The following LYST variants were observed in gnomAD, a reference collection of about 807,000 sequenced individuals.
The protein encoded by LYST is lysosomal-trafficking regulator.
LYST carries 192 observed loss-of-function variants against 413.6 expected under a neutral mutation model. That is an observed-to-expected ratio of 0.46 (90% CI 0.41 to 0.52). The LOEUF (loss-of-function observed/expected upper bound fraction) is 0.52, where lower values mean the gene tolerates loss of function less well. Ranked by LOEUF, LYST falls within the 20% of genes least tolerant of loss-of-function variation. The pLI is 0.00. For synonymous variants in LYST, 1,525 were observed against 1,567.3 expected (o/e 0.97, Z 0.64); for missense variants, 3,815 against 4,499.9 (o/e 0.85, Z 4.35).
chr1:235,687,467 C>T (rs1384231035), intron 47 of LYST, among the ~76,000 whole-genome samples: 1 of 152,084 alleles, frequency 6.6e-6, no homozygotes. Flanking sequence ...GAAACAGGTA[C>T]ATGTAAACAG....
chr1:235,787,251 T>G lies in LYST; in HGVS notation c.4811A>C (p.Gln1604Pro). Residue 1604 changes from glutamine (Q) to proline (P), a missense_variant, in exon 14 of 53, where the codon CAA becomes CCA. By Grantham distance (76) the Gln-to-Pro change is moderately conservative. Around this residue, in one of 4 missense-constraint regions of LYST, gnomAD observed 530 missense variants for 696.5 expected, o/e 0.76. Transcript: ENST00000389793. Reference protein sequence around the residue: ...HLVLTYLQQPQGKRRIHGKIS... With the variant: ...HLVLTYLQQPPGKRRIHGKIS... ...TTTCCCATGAATCCTCCTTTTCCCT[T>G]GGGGCTGCTGTAAGTAGGTGAGTAC... 1.2e-6 allele frequency: 2 copies of G among 1,613,744 alleles called. No individual in the cohort carries two copies. Among genetic ancestry groups the G allele is most frequent in the Non-Finnish European group, 1.7e-6 (2 of 1,179,768 alleles).
intron 26 of LYST, among the ~76,000 whole-genome samples, chr1:235,752,718 A>G (rs932305614): frequency 6.6e-6 from 1 of 152,072 alleles, no homozygotes; most frequent in Non-Finnish European, 1.5e-5. Context: ...CTGGTCTTCA[A>G]TCTTAATCTT....
intron 37 of LYST, 100 bp downstream of exon 37, chr1:235,729,496 T>C: frequency 1.2e-6 from 1 of 802,024 alleles, no homozygotes; most frequent in Non-Finnish European, 2.2e-6. Flanking sequence ...ACAGAAAGTT[T>C]ATCCAATTTA....
At chr1:235,813,365 C>T (rs1373872927) in intron 3 of LYST, among the ~76,000 whole-genome samples, 1 of 152,124 alleles carries the variant, frequency 6.6e-6, no homozygotes, top group Non-Finnish European at 1.5e-5. Context: ...TATGAAGAAA[C>T]AGATTTGCTA....
chr1:235,705,187 G>A (rs1304460041), intron 44 of LYST, among the ~76,000 whole-genome samples: 1 of 152,122 alleles, frequency 6.6e-6, no homozygotes, highest in African/African-American at 2.4e-5. Context: ...ACAGAGTGAG[G>A]ATCTGAACTC....
At position 235,806,781 on chromosome 1, in the gene LYST, G is replaced by C. The variant is rs1448190215; in HGVS notation, c.2364-9C>G. ...ACAAATCTCTTATTACCCTGTGAAA[G>C]AAAAAAAGCATGTAAAAAGGTTTAA... is the stretch of plus-strand genomic sequence containing the variant. On this transcript the variant is annotated splice_polypyrimidine_tract_variant and intron_variant, in intron 5 of 52. Transcript: ENST00000389793. 6.3e-7 allele frequency: 1 copy of C among 1,582,908 alleles called. No individual in the cohort carries two copies. Among genetic ancestry groups the C allele is most frequent in the African/African-American group, 1.4e-5 (1 of 73,820 alleles).
rs1243959290 is a variant in LYST at position 235,809,670 on chromosome 1, T to C, written c.1148A>G (p.Gln383Arg). The C allele has an allele frequency of 1.2e-6, 2 of 1,613,774 alleles. No individual in the cohort carries two copies. The highest frequency in any genetic ancestry group is 2.2e-5 in the East Asian group (1 of 44,896). ...PFAPRQKKTL[Q>R]EVQEDFVFSK... ...AAACACAAAATCTTCCTGAACCTCC[T>C]GCAGTGTTTTCTTTTGTCTTGGTGC... Residue 383 changes from glutamine to arginine, a missense_variant, in exon 5 of 53, where the codon CAG becomes CGG. Around this residue, in one of 4 missense-constraint regions of LYST, gnomAD observed 1,648 missense variants for 1,810.3 expected, o/e 0.91. Transcript: ENST00000389793. The surrounding 1 kb of genome is among the most constrained non-coding windows in gnomAD (Gnocchi z 4.0).
In LYST at chr1:235,733,878, C is replaced by G; in HGVS notation, c.8564G>C (p.Gly2855Ala). 1 of 1,594,914 alleles carries G rather than the reference C, an allele frequency of 6.3e-7. No individual in the cohort carries two copies. The highest frequency in any genetic ancestry group is 1.1e-5 in the South Asian group (1 of 90,622). ...TTTCTGCCAAGCAGCTTTATTCACT[C>G]CTTCTTCAGTTTCATATTTCTTTTG... Reference protein sequence around the residue: ...EEQKKYETEEGVNKAAWQKTV... With the variant: ...EEQKKYETEEAVNKAAWQKTV... Residue 2855 changes from glycine to alanine, a missense_variant, in exon 33 of 53, where the codon GGA becomes GCA. Physicochemically the swap from Gly to Ala is moderately conservative, Grantham distance 60 (BLOSUM62 0). Around this residue, in one of 4 missense-constraint regions of LYST, gnomAD observed 771 missense variants for 837.1 expected, o/e 0.92. Transcript: ENST00000389793.
At chr1:235,826,329 T>C (rs374258280) in intron 3 of LYST, among the ~76,000 whole-genome samples, 2 of 152,256 alleles carry the variant, frequency 1.3e-5, no homozygotes, top group African/African-American at 4.8e-5. Flanking sequence ...TTTATAGGAA[T>C]GTTCAAAGCA....
At chr1:235,882,551 T>G (rs78106418) in intron 1 of LYST, among the ~76,000 whole-genome samples, 2 of 152,174 alleles carry the variant, frequency 1.3e-5, no homozygotes, top group African/African-American at 4.8e-5. Context: ...AGGAGACTCT[T>G]GCAGTAGCCC....
chr1:235,833,383 C>T (rs1303136921), intron 2 of LYST, among the ~76,000 whole-genome samples, 195 bp downstream of exon 2: 1 of 152,108 alleles, frequency 6.6e-6, no homozygotes, highest in African/African-American at 2.4e-5. Context: ...GCTTTTTCCT[C>T]TTAATGTTAT....
In LYST at chr1:235,806,356, G is replaced by C; in HGVS notation, c.2780C>G (p.Ser927Cys). 1 of 1,614,056 alleles carries C rather than the reference G, an allele frequency of 6.2e-7. No individual in the cohort carries two copies. The highest frequency in any genetic ancestry group is 8.5e-7 in the Non-Finnish European group (1 of 1,180,006). Residue 927 changes from serine to cysteine, a missense_variant, in exon 6 of 53, where the codon TCT (serine) becomes TGT (cysteine). By Grantham distance (112) the Ser-to-Cys change is moderately radical. Around this residue, in one of 4 missense-constraint regions of LYST, gnomAD observed 1,648 missense variants for 1,810.3 expected, o/e 0.91. Transcript: ENST00000389793. ...RESANDSEDT[S>C]GYDSTASEPL... ...CTCGCTGGCTGTGCTGTCATAGCCA[G>C]AAGTATCTTCTGAGTCATTGGCCGA...
intron 39 of LYST, among the ~76,000 whole-genome samples, chr1:235,723,023 GCAGT>G (rs538229370): frequency 7.7e-4 from 117 of 152,334 alleles, no homozygotes; most frequent in African/African-American, 2.8e-3. Flanking sequence ...AGCAGTGGAA[GCAGT>G]CAGACTCTCG....
rs77322448 is a variant in LYST at position 235,745,624 on chromosome 1, C to T, written c.7972+712G>A. 2.2e-3 allele frequency among the ~76,000 whole-genome samples: 342 copies of T among 152,268 alleles called. 1 individual carries two copies. Among genetic ancestry groups the T allele is most frequent in the African/African-American group, 7.7e-3 (320 of 41,550 alleles). On this transcript the variant is annotated intron_variant, in intron 29 of 52. Coordinates refer to ENST00000389793, the MANE Select transcript of LYST (RefSeq NM_000081.4). ...TTCTTACAAAACCTGCACATAAATG[C>T]TTACAGAAGCTTTATTTGTAATAGC... is the stretch of plus-strand genomic sequence containing the variant.
chr1:235,729,660 G>A lies in LYST; in HGVS notation c.9045-3C>T. On this transcript the variant is annotated splice_polypyrimidine_tract_variant and splice_region_variant and intron_variant, in intron 36 of 52. Coordinates refer to ENST00000389793, the MANE Select transcript of LYST (RefSeq NM_000081.4). ...CACTGATGCATCTTCGATTCACTCT[G>A]TCAAAACATATTTAAAATTACTATG... The A allele has an allele frequency of 1.3e-6, 2 of 1,596,900 alleles. No homozygotes were observed. The highest frequency in any genetic ancestry group is 1.7e-5 in the Admixed American group (1 of 59,962).
At position 235,677,527 on chromosome 1, in the gene LYST, C is replaced by G. The variant is rs774779449; in HGVS notation, c.10893G>C (p.Leu3631=). Residue 3631 remains leucine (L), a synonymous_variant, in exon 49 of 53, where the codon CTG becomes CTC. Coordinates refer to ENST00000389793, the MANE Select transcript of LYST (RefSeq NM_000081.4). ...SLFVCKPYSI[L]ISVSRDGTCI... is the part of the protein sequence containing the mutation. ...AGGTTCCGTCTCTGCTCACACTTAT[C>G]AGTATACTGTATGGTTTGCAAACAA... 9.9e-6 allele frequency: 16 copies of G among 1,613,416 alleles called. No individual in the cohort carries two copies. The highest frequency in any genetic ancestry group is 1.1e-5 in the Non-Finnish European group (13 of 1,179,614).
intron 1 of LYST, among the ~76,000 whole-genome samples, chr1:235,881,885 T>C (rs1443979598): frequency 1.3e-5 from 2 of 152,026 alleles, no homozygotes; most frequent in Non-Finnish European, 2.9e-5. Context: ...GGAGTTAGTG[T>C]TCAATGGGTA....
intron 1 of LYST, among the ~76,000 whole-genome samples, chr1:235,849,204 T>G (rs58836731): frequency 0.012 from 1,890 of 152,208 alleles, 31 homozygotes; most frequent in African/African-American, 0.042. Context: ...GATGCAGGGA[T>G]GGTTTAACAT....
intron 46 of LYST, among the ~76,000 whole-genome samples, chr1:235,695,636 T>A (rs1023697730): frequency 3.4e-5 from 5 of 145,264 alleles, no homozygotes; most frequent in Non-Finnish European, 6.0e-5. Context: ...CTAATTTTTT[T>A]TTTTTTTTTT....
Sources: gnomAD v4.1 joint callset for allele counts (sites outside exome capture counted in the v4.1 genomes callset) on GRCh38, gnomAD v4.1.1 for gene constraint, gnomAD v4.1.1 regional missense constraint, Gnocchi (gnomAD v3.1) non-coding constraint, MANE v1.5 for transcripts, NCBI Gene and HGNC (gene_info 2026-07-23, HGNC 2026-07-21) for gene names.